The following HS6ST3 variants were observed in gnomAD, a reference collection of about 807,000 sequenced individuals.
HS6ST3 encodes heparan-sulfate 6-O-sulfotransferase 3.
In HS6ST3, 12 loss-of-function variants were observed where a neutral mutation model predicts 36.7. That is an observed-to-expected ratio of 0.33 (90% CI 0.21 to 0.53). The LOEUF is 0.53. Ranked by LOEUF, HS6ST3 falls within the 20% of genes least tolerant of loss-of-function variation. The pLI is 0.95. For synonymous variants in HS6ST3, 240 were observed against 257.5 expected (o/e 0.93, Z 0.65); for missense variants, 584 against 640.9 (o/e 0.91, Z 0.96).
chr13:96,312,749 G>C (rs1016694163), intron 1 of HS6ST3, among the ~76,000 whole-genome samples: 1 of 151,878 alleles, frequency 6.6e-6, no homozygotes, highest in Admixed American at 6.6e-5. Flanking sequence ...GACAGGAGTT[G>C]CAGACCAGCC....
At chr13:96,745,499 T>TG (rs1193814748) in intron 1 of HS6ST3, among the ~76,000 whole-genome samples, 1 of 152,106 alleles carries the variant, frequency 6.6e-6, no homozygotes, top group Admixed American at 6.6e-5. Flanking sequence ...TCAGAAGCTA[T>TG]GTGTGAAAGC....
At chr13:96,160,497 A>T (rs2054130573) in intron 1 of HS6ST3, among the ~76,000 whole-genome samples, 1 of 152,180 alleles carries the variant, frequency 6.6e-6, no homozygotes, top group African/African-American at 2.4e-5. Context: ...TCCCGTTCTT[A>T]TATTCCTGAC....
intron 1 of HS6ST3, among the ~76,000 whole-genome samples, chr13:96,776,748 A>C (rs1877395638): frequency 6.6e-6 from 1 of 152,204 alleles, no homozygotes; most frequent in Non-Finnish European, 1.5e-5. Flanking sequence ...TCACAGCCAA[A>C]TTCTACCAGA....
chr13:96,717,105 C>T (rs989708069), intron 1 of HS6ST3, among the ~76,000 whole-genome samples: 3 of 152,168 alleles, frequency 2.0e-5, no homozygotes, highest in Admixed American at 1.3e-4. Flanking sequence ...TGTTAGTAAA[C>T]ATCCAGGAGT....
At chr13:96,183,237 T>C (rs962769036) in intron 1 of HS6ST3, among the ~76,000 whole-genome samples, 6 of 152,186 alleles carry the variant, frequency 3.9e-5, no homozygotes, top group Non-Finnish European at 7.4e-5. Context: ...TGATTTTTCT[T>C]CTCCTTTACT....
At chr13:96,636,810 A>G (rs1013612900) in intron 1 of HS6ST3, among the ~76,000 whole-genome samples, 3 of 152,140 alleles carry the variant, frequency 2.0e-5, no homozygotes, top group Non-Finnish European at 4.4e-5. Flanking sequence ...GCAGGAGTTC[A>G]GTAGAAGCCA....
intron 1 of HS6ST3, among the ~76,000 whole-genome samples, chr13:96,462,565 G>A (rs1566368006): frequency 6.6e-6 from 1 of 152,130 alleles, no homozygotes; most frequent in Admixed American, 6.5e-5. Flanking sequence ...TCAAGAACAA[G>A]ATAAGAAAGC....
intron 1 of HS6ST3, among the ~76,000 whole-genome samples, chr13:96,829,414 T>G (rs1248838101): frequency 1.3e-5 from 2 of 152,064 alleles, no homozygotes; most frequent in Non-Finnish European, 2.9e-5. Flanking sequence ...GTTGTACAGA[T>G]TATTTCATCA....
At chr13:96,754,508 T>TA in intron 1 of HS6ST3, among the ~76,000 whole-genome samples, 1 of 152,334 alleles carries the variant, frequency 6.6e-6, no homozygotes, top group East Asian at 1.9e-4. Context: ...ACCAAGGGTA[T>TA]AACTACATGA....
At chr13:96,224,079 ACCAGC>A (rs944779290) in intron 1 of HS6ST3, among the ~76,000 whole-genome samples, 15 of 152,226 alleles carry the variant, frequency 9.9e-5, no homozygotes, top group African/African-American at 3.6e-4. Flanking sequence ...CCTAATAGCA[ACCAGC>A]TGTCCATCCT....
chr13:96,617,795 A>T (rs2056479875), intron 1 of HS6ST3, among the ~76,000 whole-genome samples: 1 of 152,172 alleles, frequency 6.6e-6, no homozygotes, highest in Non-Finnish European at 1.5e-5. Context: ...GAAACTCTGG[A>T]GGTGGAGCCC....
chr13:96,274,337 C>T (rs2054737089), intron 1 of HS6ST3, among the ~76,000 whole-genome samples: 1 of 151,854 alleles, frequency 6.6e-6, no homozygotes, highest in Non-Finnish European at 1.5e-5. Flanking sequence ...TTTAACCAAC[C>T]AGCTGAGGCC....
chr13:96,509,556 T>C (rs1178559078), intron 1 of HS6ST3, among the ~76,000 whole-genome samples: 1 of 152,214 alleles, frequency 6.6e-6, no homozygotes, highest in Non-Finnish European at 1.5e-5. Flanking sequence ...TTCATTATTC[T>C]ACATGTTGCT....
intron 1 of HS6ST3, among the ~76,000 whole-genome samples, chr13:96,380,155 TTGG>T (rs2055334019): frequency 6.6e-6 from 1 of 152,178 alleles, no homozygotes; most frequent in Non-Finnish European, 1.5e-5. Context: ...TGTTTCAGTG[TTGG>T]TGGTGAACAG....
intron 1 of HS6ST3, among the ~76,000 whole-genome samples, chr13:96,341,436 G>A (rs1236124998): frequency 6.6e-6 from 1 of 152,054 alleles, no homozygotes; most frequent in Non-Finnish European, 1.5e-5. Flanking sequence ...ATCTGGTGCA[G>A]CCCATATATA....
Position 96,831,954 on chromosome 13 carries a change from C to CAAAAAAAAAAAAAAAAA in HS6ST3, c.708-526_708-510dup, listed in dbSNP as rs35266831. ...TGGGTGACAGAGCAAGACTCCCTCT[C>CAAAAAAAAAAAAAAAAA]AAAAAAAAAAAAAAAAAAAAAAAAA... On this transcript the variant is annotated intron_variant, in intron 1 of 1. Transcript: ENST00000376705. 4.7e-3 allele frequency among the ~76,000 whole-genome samples: 102 copies of CAAAAAAAAAAAAAAAAA among 21,848 alleles called. 11 individuals carry two copies. The highest frequency in any genetic ancestry group is 0.028 in the Middle Eastern group (1 of 36). The allele number at this position is 21,848 out of a possible 152,430, so 14.3% of individuals were successfully genotyped here.
chr13:96,347,828 C>T (rs951066559), intron 1 of HS6ST3, among the ~76,000 whole-genome samples: 1 of 152,148 alleles, frequency 6.6e-6, no homozygotes, highest in Non-Finnish European at 1.5e-5. Context: ...TTCACTCCAC[C>T]CCTTTCACTA....
At chr13:96,337,439 C>T (rs1880062486) in intron 1 of HS6ST3, among the ~76,000 whole-genome samples, 2 of 152,286 alleles carry the variant, frequency 1.3e-5, no homozygotes, top group South Asian at 2.1e-4. Context: ...CTTGGAGTGT[C>T]ACCCTGAGAA....
At chr13:96,505,584 A>G (rs1230425882) in intron 1 of HS6ST3, among the ~76,000 whole-genome samples, 1 of 152,142 alleles carries the variant, frequency 6.6e-6, no homozygotes, top group Admixed American at 6.6e-5. Flanking sequence ...GATTGAAATG[A>G]ATTGAGGAAA....
Sources: allele counts gnomAD v4.1 joint callset (sites outside exome capture counted in the v4.1 genomes callset), GRCh38; gene constraint gnomAD v4.1.1; transcripts MANE v1.5; gene names NCBI Gene and HGNC (gene_info 2026-07-23, HGNC 2026-07-21).